The following GML variants were observed in gnomAD, a reference collection of about 807,000 sequenced individuals.
GML encodes the protein glycosylphosphatidylinositol anchored molecule like.
Under a neutral mutation model 8.2 loss-of-function variants are expected in GML, and 5 were observed. That is an observed-to-expected ratio of 0.61 (90% CI 0.32 to 1.28). The LOEUF is 1.28. Ranked by LOEUF, GML falls within the 50% of genes most tolerant of loss-of-function variation. The pLI is 0.06. For synonymous variants in GML, 72 were observed against 69.0 expected, an observed-to-expected ratio of 1.04 and a Z score of -0.22; for missense variants, 191 against 198.3, an observed-to-expected ratio of 0.96 and a Z score of 0.22.
At chr8:142,840,636 T>A in intron 2 of GML, 126 bp downstream of exon 2, 1 of 699,800 alleles carries the variant, frequency 1.4e-6, no homozygotes, top group Non-Finnish European at 2.6e-6. Flanking sequence ...ATTGTCTGTG[T>A]AATCAGGGGT....
At chr8:142,843,583 A>G (rs1177697417) in intron 3 of GML, among the ~76,000 whole-genome samples, 1 of 152,248 alleles carries the variant, frequency 6.6e-6, no homozygotes, top group Non-Finnish European at 1.5e-5. Flanking sequence ...ACTGCTTACT[A>G]TTCATCAGAG....
At position 142,846,822 on chromosome 8, in the gene GML, A is replaced by G. The variant is rs191203130; in HGVS notation, c.*132A>G. Reference sequence around the variant, plus strand: ...TGGCCCATTTATGGTTTGTTGTAAGAGAAAAATTAAAAAAATATTGTTTAG... The same window carrying G: ...TGGCCCATTTATGGTTTGTTGTAAGGGAAAAATTAAAAAAATATTGTTTAG... On this transcript the variant is annotated 3_prime_UTR_variant, in exon 4 of 4. Coordinates refer to ENST00000220940, the MANE Select transcript of GML (RefSeq NM_002066.3). 1.9e-3 allele frequency: 1,204 copies of G among 641,078 alleles called. 9 individuals are homozygous for G. In the African/African-American group the frequency reaches 0.019, roughly 10 times the overall value. 39.7% of individuals were successfully genotyped at this position (641,078 alleles called of 1,614,324 possible).
chr8:142,840,497 C>T lies in GML; in HGVS notation c.60C>T (p.Thr20=), dbSNP rs1330979834. The T allele has an allele frequency of 1.2e-6, 2 of 1,609,228 alleles. No homozygotes were observed. Among genetic ancestry groups the T allele is most frequent in the African/African-American group, 1.3e-5 (1 of 74,968 alleles). Residue 20 remains threonine (T), a synonymous_variant, in exon 2 of 4, where the codon ACC becomes ACT. Coordinates refer to ENST00000220940, the MANE Select transcript of GML (RefSeq NM_002066.3). ...TCCCATTGGTGGCAGCCAGTGCCAC[C>T]ATGCGCGCTCAGTGTAAGTATCATT... ...MELPLVAASA[T]MRAQWTYSLR...
At chr8:142,836,934 A>T (rs1479700864) in intron 1 of GML, among the ~76,000 whole-genome samples, 1 of 152,150 alleles carries the variant, frequency 6.6e-6, no homozygotes, top group Non-Finnish European at 1.5e-5. Flanking sequence ...TTTCTTTCGG[A>T]GGAAATAATT....
At chr8:142,837,941 C>A (rs1342723013) in intron 1 of GML, among the ~76,000 whole-genome samples, 2 of 148,990 alleles carry the variant, frequency 1.3e-5, no homozygotes, top group African/African-American at 5.0e-5. Flanking sequence ...CTTTGGTTCC[C>A]CGTGAGCCAA....
intron 1 of GML, among the ~76,000 whole-genome samples, chr8:142,838,540 C>G (rs566061040): frequency 3.9e-5 from 6 of 152,122 alleles, no homozygotes; most frequent in African/African-American, 1.2e-4. Flanking sequence ...CAGTCATACA[C>G]GTTCTAACTC....
Position 142,846,589 on chromosome 8 carries a change from G to A in GML, c.376G>A (p.Glu126Lys). ...TNLERDMLPD[E>K]VTEEELPEGT... ...TCTTGAAAGGGACATGTTACCCGAT[G>A]AAGTAACTGAGGAGGAGCTTCCAGA... The change falls in exon 4 of 4, where the codon GAA (glutamate) becomes AAA (lysine). Residue 126 changes from glutamate (E) to lysine (K), a missense_variant. Transcript: ENST00000220940. 6.2e-7 allele frequency: 1 copy of A among 1,613,682 alleles called. No individual in the cohort carries two copies. Among genetic ancestry groups the A allele is most frequent in the Non-Finnish European group, 8.5e-7 (1 of 1,179,562 alleles).
chr8:142,835,037 C>T (rs1353665143), intron 1 of GML, 169 bp downstream of exon 1: 1 of 150,902 alleles, frequency 6.6e-6, no homozygotes, highest in Non-Finnish European at 1.5e-5. Flanking sequence ...CCAGGGAGAC[C>T]CCCCGAACTC....
At chr8:142,843,184 C>G (rs116977166) in intron 3 of GML, among the ~76,000 whole-genome samples, 65 of 151,466 alleles carry the variant, frequency 4.3e-4, no homozygotes, top group Non-Finnish European at 6.6e-4. Flanking sequence ...GGGTATGAGG[C>G]ATATAGGAAC....
At chr8:142,840,749 A>G (rs190477548) in intron 2 of GML, among the ~76,000 whole-genome samples, 103 of 152,250 alleles carry the variant, frequency 6.8e-4, no homozygotes, top group Non-Finnish European at 1.1e-3. Flanking sequence ...GCCCTTCTCC[A>G]TCAGCGCCAG....
intron 1 of GML, among the ~76,000 whole-genome samples, chr8:142,839,489 T>A (rs375172013): frequency 1.3e-5 from 2 of 152,120 alleles, no homozygotes; most frequent in East Asian, 1.9e-4. Context: ...CAGCTGCTCC[T>A]GCGGTGGAGG....
chr8:142,840,510 T>C lies in GML; in HGVS notation c.73T>C (p.Trp25Arg), dbSNP rs1389196455. 1 of 1,601,862 alleles carries C rather than the reference T, an allele frequency of 6.2e-7. No homozygotes were observed. The highest frequency in any genetic ancestry group is 1.3e-5 in the African/African-American group (1 of 74,818). The change falls in exon 2 of 4, where the codon TGG (tryptophan) becomes CGG (arginine). Residue 25 changes from tryptophan to arginine, a missense_variant and splice_region_variant. Physicochemically the swap from Trp to Arg is moderately radical, Grantham distance 101. Coordinates refer to ENST00000220940, the MANE Select transcript of GML (RefSeq NM_002066.3). ...AGCCAGTGCCACCATGCGCGCTCAG[T>C]GTAAGTATCATTCCCTCTCACTGTC... ...VAASATMRAQ[W>R]TYSLRCHDCA...
intron 1 of GML, among the ~76,000 whole-genome samples, chr8:142,839,734 A>G (rs1198249998): frequency 2.0e-5 from 3 of 152,128 alleles, no homozygotes; most frequent in African/African-American, 7.2e-5. Context: ...AAAATGTCTC[A>G]GTTGTGGCAA....
At chr8:142,844,350 T>G (rs1816476974) in intron 3 of GML, among the ~76,000 whole-genome samples, 1 of 152,168 alleles carries the variant, frequency 6.6e-6, no homozygotes, top group Non-Finnish European at 1.5e-5. Context: ...CCAATAAAGT[T>G]TTTAGAGAAA....
At chr8:142,844,439 A>C (rs11987487) in intron 3 of GML, among the ~76,000 whole-genome samples, 5,994 of 152,294 alleles carry the variant, frequency 0.039, 397 homozygotes, top group African/African-American at 0.14. Flanking sequence ...TCACATAAGA[A>C]TGAAATTGAT....
intron 1 of GML, among the ~76,000 whole-genome samples, chr8:142,839,202 C>A (rs1255128507): frequency 6.6e-6 from 1 of 152,138 alleles, no homozygotes; most frequent in Non-Finnish European, 1.5e-5. Context: ...GGTAGGAGAT[C>A]CACCTAGGGA....
intron 3 of GML, among the ~76,000 whole-genome samples, chr8:142,844,064 C>T (rs1314480223): frequency 2.2e-5 from 2 of 92,076 alleles, no homozygotes; most frequent in East Asian, 1.0e-3. Context: ...AGGACTTGTG[C>T]TCTGAACTAT....
At chr8:142,845,942 T>C (rs560834686) in intron 3 of GML, among the ~76,000 whole-genome samples, 1 of 152,330 alleles carries the variant, frequency 6.6e-6, no homozygotes, top group South Asian at 2.1e-4. Flanking sequence ...AGAAGGGTCT[T>C]GCCAACTGCA....
At position 142,839,999 on chromosome 8, in the gene GML, T is replaced by TGGGAGCGGGAAGCGCGTCAGTGGGCGGA. The variant is rs551729662; in HGVS notation, c.-22-387_-22-360dup. ...GGCCCTCGTGTTGCTGAGCTGTGTG[T>TGGGAGCGGGAAGCGCGTCAGTGGGCGGA]GGGAGCGGGAAGCGCGTCAGTGGGC... On this transcript the variant is annotated intron_variant, in intron 1 of 3. Transcript: ENST00000220940. 3.0e-3 allele frequency among the ~76,000 whole-genome samples: 452 copies of TGGGAGCGGGAAGCGCGTCAGTGGGCGGA among 152,094 alleles called. 2 individuals carry two copies. Among genetic ancestry groups the TGGGAGCGGGAAGCGCGTCAGTGGGCGGA allele is most frequent in the Middle Eastern group, 0.017 (5 of 294 alleles).
Sources: allele counts gnomAD v4.1 joint callset (sites outside exome capture counted in the v4.1 genomes callset), GRCh38; gene constraint gnomAD v4.1.1; transcripts MANE v1.5; gene names NCBI Gene and HGNC (gene_info 2026-07-23, HGNC 2026-07-21).